The following STOML1 variants were observed in gnomAD, a reference collection of about 807,000 sequenced individuals.
STOML1 encodes the protein stomatin like 1, also known as stomatin-like protein 1.
A neutral mutation model predicts 35.7 loss-of-function variants in STOML1; 27 were observed. The observed-to-expected ratio is 0.76, with a 90% CI of 0.56 to 1.04. The LOEUF is 1.04. Among genes scored for constraint, STOML1 ranks in the 50% least tolerant of loss-of-function variants. The pLI is 0.00. For synonymous variants in STOML1, 219 were observed against 227.9 expected, an observed-to-expected ratio of 0.96 and a Z score of 0.35; for missense variants, 451 against 527.1, an observed-to-expected ratio of 0.86 and a Z score of 1.41.
At position 73,981,484 on chromosome 15, in the gene STOML1, G is replaced by C. The variant is rs1398570833; in HGVS notation, c.*2453C>G. The C allele has an allele frequency of 6.6e-6, 1 of 152,048 alleles. No individual in the cohort carries two copies. Among genetic ancestry groups the C allele is most frequent in the African/African-American group, 2.4e-5 (1 of 41,368 alleles). The allele number at this position is 152,048 out of a possible 1,614,324, so 9.4% of individuals were successfully genotyped here. ...AGAAAAATATAATAAGAAGTGTCTA[G>C]TCCGGTATAAGGACATATTTGGCAC... On this transcript the variant is annotated 3_prime_UTR_variant, in exon 7 of 7. Coordinates refer to ENST00000541638, the MANE Select transcript of STOML1 (RefSeq NM_004809.5).
Position 73,988,662 on chromosome 15 carries a change from G to T in STOML1, c.531C>A (p.Ala177=). The T allele has an allele frequency of 6.2e-7, 1 of 1,614,234 alleles. No individual in the cohort carries two copies. Among genetic ancestry groups the T allele is most frequent in the South Asian group, 1.1e-5 (1 of 91,084 alleles). The part of the protein sequence containing the change: ...RMTAQNAMTK[A]LLKRPLREIQ... ...TCTCCCGCAGCGGCCTCTTGAGCAG[G>T]GCCTTGGTCATGGCGTTCTGGGCTG... is the stretch of plus-strand genomic sequence containing the variant. Residue 177 remains alanine, a synonymous_variant, in exon 4 of 7, where the codon GCC becomes GCA. Transcript: ENST00000541638. This position sits in a 1 kb window ranked among gnomAD's most constrained non-coding sequence, Gnocchi z 4.8.
chr15:73,984,206 C>T (rs2069015104), intron 6 of STOML1, 76 bp from the exon 7 acceptor site: 2 of 1,460,562 alleles, frequency 1.4e-6, no homozygotes, highest in Non-Finnish European at 1.9e-6. Context: ...GTGGGAGGGG[C>T]TGGTATTTCC....
At chr15:73,985,020 A>C in intron 5 of STOML1, 149 bp from the exon 6 acceptor site, 2 of 959,686 alleles carry the variant, frequency 2.1e-6, no homozygotes, top group Non-Finnish European at 3.0e-6. Context: ...CTCCTCTACC[A>C]GAAAGGTGCC....
chr15:73,991,989 G>T (rs1052948604), intron 1 of STOML1, 102 bp downstream of exon 1: 2 of 1,435,854 alleles, frequency 1.4e-6, no homozygotes, highest in Non-Finnish European at 1.8e-6. Context: ...CCCTCGTAGG[G>T]TGCGACGGCA....
upstream of STOML1, among the ~76,000 whole-genome samples, chr15:73,992,501 C>T (rs1029611235): frequency 1.3e-5 from 2 of 152,304 alleles, no homozygotes; most frequent in South Asian, 2.1e-4. Flanking sequence ...TCTTCTCCTA[C>T]TCAGCCCTAG....
Position 73,985,324 on chromosome 15 carries a change from C to A in STOML1, c.784G>T (p.Gly262Trp), listed in dbSNP as rs1276036777. 1 of 1,530,300 alleles carries A rather than the reference C, an allele frequency of 6.5e-7. No homozygotes were observed. Among genetic ancestry groups the A allele is most frequent in the Non-Finnish European group, 8.7e-7 (1 of 1,145,058 alleles). 94.8% of individuals were successfully genotyped at this position (1,530,300 alleles called of 1,614,324 possible). The change falls in exon 5 of 7, where the codon GGG (glycine) becomes TGG (tryptophan). Residue 262 changes from glycine to tryptophan, a missense_variant. Gly to Trp is a radical substitution (Grantham distance 184). Coordinates refer to ENST00000541638, the MANE Select transcript of STOML1 (RefSeq NM_004809.5). Reference sequence around the variant, plus strand: ...CCTCCCCAGGGCTCCTCACCTGGCCCCGGGGACGGGGCACCTCCTGCCATT... The same window carrying A: ...CCTCCCCAGGGCTCCTCACCTGGCCACGGGGACGGGGCACCTCCTGCCATT... ...NSMAGGAPSP[G>W]PADTVEMVSE...
chr15:73,989,862 G>T (rs918407302), intron 2 of STOML1, among the ~76,000 whole-genome samples: 6 of 152,138 alleles, frequency 3.9e-5, no homozygotes, highest in African/African-American at 1.4e-4. Context: ...GTTGCCTAGG[G>T]CTACACAAAG....
chr15:73,990,661 C>G (rs1327672405), intron 1 of STOML1, among the ~76,000 whole-genome samples: 1 of 152,226 alleles, frequency 6.6e-6, no homozygotes, highest in Non-Finnish European at 1.5e-5. Context: ...TACATCAACA[C>G]TCATTTGTCC....
In STOML1 at chr15:73,983,927, G is replaced by A; in HGVS notation, c.*10C>T. 6.2e-7 allele frequency: 1 copy of A among 1,607,120 alleles called. No individual in the cohort carries two copies. Among genetic ancestry groups the A allele is most frequent in the South Asian group, 1.1e-5 (1 of 90,742 alleles). On this transcript the variant is annotated 3_prime_UTR_variant, in exon 7 of 7. Coordinates refer to ENST00000541638, the MANE Select transcript of STOML1 (RefSeq NM_004809.5). ...CTTGGGACTGGGCTCTGGAAAGTCAGCCAAGGCTGCTACTTCAAGGCCCTG... is the reference window on the plus strand; with the variant it reads ...CTTGGGACTGGGCTCTGGAAAGTCAACCAAGGCTGCTACTTCAAGGCCCTG...
upstream of STOML1, among the ~76,000 whole-genome samples, chr15:73,993,818 G>A (rs1182659835): frequency 1.3e-5 from 2 of 152,038 alleles, no homozygotes; most frequent in Non-Finnish European, 2.9e-5. Context: ...TTCCATTGGC[G>A]AAGACCTAGC....
rs1189104772 is a variant in STOML1, at chr15:73,981,703, T to TGGA, written c.*2231_*2233dup. On this transcript the variant is annotated 3_prime_UTR_variant, in exon 7 of 7. Coordinates refer to ENST00000541638, the MANE Select transcript of STOML1 (RefSeq NM_004809.5). ...GTCCACCTACTTGGTAGCTGGGATG[T>TGGA]GGAGGACATCACCTCCTCAGGAAAG... 1 of 152,268 alleles carries TGGA rather than the reference T, an allele frequency of 6.6e-6. No homozygotes were observed. Among genetic ancestry groups the TGGA allele is most frequent in the Non-Finnish European group, 1.5e-5 (1 of 68,100 alleles). 9.4% of individuals were successfully genotyped at this position (152,268 alleles called of 1,614,324 possible). A position where few individuals can be genotyped will look rare whatever the true frequency, so the allele number is the denominator to read the frequency against.
rs374899071 is a variant in STOML1, at chr15:73,988,577, C to T, written c.594+22G>A. ...CAGGCCGGTGCCACCCCTCAAGCTC[C>T]GTCTTGTGAGGGGCTGCCTACCAGA... On this transcript the variant is annotated intron_variant, in intron 4 of 6. Transcript: ENST00000541638. This position sits in a 1 kb window ranked among gnomAD's most constrained non-coding sequence, Gnocchi z 4.8. 113 of 1,613,630 alleles carry T rather than the reference C, an allele frequency of 7.0e-5. No homozygotes were observed. The highest frequency in any genetic ancestry group is 1.7e-4 in the Middle Eastern group (1 of 6,010).
At position 73,992,292 on chromosome 15, in the gene STOML1, C is replaced by A; in HGVS notation, c.-69G>T. On this transcript the variant is annotated 5_prime_UTR_variant, in exon 1 of 7. Transcript: ENST00000541638. ...TCCCTGGCCAGTGGGCCCTACGCGG[C>A]CCCGCCCTCCTGGCTGCTGCTTCCG... 4 of 1,491,376 alleles carry A rather than the reference C, an allele frequency of 2.7e-6. No homozygotes were observed. Among genetic ancestry groups the A allele is most frequent in the Non-Finnish European group, 3.5e-6 (4 of 1,129,560 alleles). The allele number at this position is 1,491,376 out of a possible 1,614,324, so 92.4% of individuals were successfully genotyped here. A position where few individuals can be genotyped will look rare whatever the true frequency, so the allele number is the denominator to read the frequency against.
rs2068947313 is a variant in STOML1, at chr15:73,980,332, T to A, written c.*3605A>T. ...ACCACAAATAGCACATGTTAAAGGT[T>A]ATTCATTGCAAAAGTATTTAAAATA... On this transcript the variant is annotated 3_prime_UTR_variant, in exon 7 of 7. Coordinates refer to ENST00000541638, the MANE Select transcript of STOML1 (RefSeq NM_004809.5). 1 of 152,230 alleles carries A rather than the reference T, an allele frequency of 6.6e-6. No individual in the cohort carries two copies. The highest frequency in any genetic ancestry group is 1.5e-5 in the Non-Finnish European group (1 of 68,050). 9.4% of individuals were successfully genotyped at this position (152,230 alleles called of 1,614,324 possible).
At position 73,988,635 on chromosome 15, in the gene STOML1, G is replaced by C; in HGVS notation, c.558C>G (p.Ile186Met). The C allele has an allele frequency of 1.2e-6, 2 of 1,614,206 alleles. No individual in the cohort carries two copies. The highest frequency in any genetic ancestry group is 1.7e-6 in the Non-Finnish European group (2 of 1,180,040). ...KALLKRPLRE[I>M]QMEKLKISDQ... is the part of the protein sequence containing the mutation. The stretch of plus-strand genomic sequence containing the variant: ...CGCTGATCTTGAGCTTCTCCATCTG[G>C]ATCTCCCGCAGCGGCCTCTTGAGCA... Residue 186 changes from isoleucine (I) to methionine (M), a missense_variant, in exon 4 of 7, where the codon ATC becomes ATG. Coordinates refer to ENST00000541638, the MANE Select transcript of STOML1 (RefSeq NM_004809.5). The surrounding 1 kb of genome is among the most constrained non-coding windows in gnomAD (Gnocchi z 4.8).
intron 5 of STOML1, 26 bp downstream of exon 5, chr15:73,985,292 C>T (rs758766506): frequency 5.3e-6 from 8 of 1,511,938 alleles, no homozygotes; most frequent in Non-Finnish European, 6.2e-6. Context: ...GTAAACACCC[C>T]CGCTCTCCTC....
Position 73,983,821 on chromosome 15 carries a change from T to G in STOML1, c.*116A>C. ...CCATTCATGGGCTCTTGGCTGGGCCTGAAATTTGTTAGGGCCTCAACTCTC... is the reference window on the plus strand; with the variant it reads ...CCATTCATGGGCTCTTGGCTGGGCCGGAAATTTGTTAGGGCCTCAACTCTC... On this transcript the variant is annotated 3_prime_UTR_variant, in exon 7 of 7. Transcript: ENST00000541638. 1.6e-5 allele frequency: 20 copies of G among 1,258,006 alleles called. No homozygotes were observed. The highest frequency in any genetic ancestry group is 3.1e-5 in the South Asian group (2 of 63,868). The allele number at this position is 1,258,006 out of a possible 1,614,324, so 77.9% of individuals were successfully genotyped here.
At chr15:73,990,330 G>A (rs1430132851) in intron 2 of STOML1, 21 bp downstream of exon 2, 2 of 1,612,536 alleles carry the variant, frequency 1.2e-6, no homozygotes, top group Admixed American at 3.3e-5. Flanking sequence ...CCACCCTGGG[G>A]GCTGACCCAG....
In STOML1 at chr15:73,985,416, G is replaced by A; in HGVS notation, c.692C>T (p.Ala231Val). The A allele has an allele frequency of 3.2e-6, 5 of 1,563,284 alleles. No individual in the cohort carries two copies. The highest frequency in any genetic ancestry group is 4.3e-6 in the Non-Finnish European group (5 of 1,162,072). The change falls in exon 5 of 7, where the codon GCT becomes GTT. Residue 231 changes from alanine to valine, a missense_variant. Transcript: ENST00000541638. ...AVLQPPQDSP[A>V]GPNLDSTLQQ... ...GAGGGTGCTGTCCAGGTTGGGCCCA[G>A]CTGGGCTGTCCTGGGGCGGCTGGAG...
Sources: allele counts gnomAD v4.1 joint callset (sites outside exome capture counted in the v4.1 genomes callset), GRCh38; gene constraint gnomAD v4.1.1; non-coding constraint Gnocchi (gnomAD v3.1); transcripts MANE v1.5; gene names NCBI Gene and HGNC (gene_info 2026-07-23, HGNC 2026-07-21).